CLEC16A: variants seen among roughly 807,000 people sequenced by gnomAD.
CLEC16A encodes protein CLEC16A.
A neutral mutation model predicts 109.5 loss-of-function variants in CLEC16A; 51 were observed. The ratio of observed to expected loss-of-function variants is 0.47; its 90% confidence interval spans 0.37 to 0.59. CLEC16A has a LOEUF of 0.59. Ranked by LOEUF, CLEC16A falls within the 20% of genes least tolerant of loss-of-function variation. CLEC16A has a pLI of 0.00. For missense variants in CLEC16A, 1,339 were observed against 1,394.0 expected (o/e 0.96, Z 0.63); for synonymous variants, 673 against 564.2 (o/e 1.19, Z -2.73).
At chr16:11,040,760 C>T (rs2047290668) in intron 14 of CLEC16A, 1 of 152,156 alleles carries the variant, frequency 6.6e-6, no homozygotes, top group South Asian at 2.1e-4. Context: ...GATCCACCCA[C>T]CTCGGCCTCC....
At chr16:10,990,326 C>T (rs1469932283) in intron 10 of CLEC16A, among the ~76,000 whole-genome samples, 1 of 152,188 alleles carries the variant, frequency 6.6e-6, no homozygotes, top group Non-Finnish European at 1.5e-5. Flanking sequence ...TTGATATAAT[C>T]AAAATCCAGA....
intron 22 of CLEC16A, among the ~76,000 whole-genome samples, chr16:11,140,406 T>G (rs931125561): frequency 4.6e-5 from 7 of 152,244 alleles, no homozygotes; most frequent in Non-Finnish European, 1.0e-4. Flanking sequence ...TTACAAAGTC[T>G]TGGGCATTTG....
intron 10 of CLEC16A, among the ~76,000 whole-genome samples, chr16:10,990,342 A>T (rs2043928940): frequency 6.6e-6 from 1 of 152,250 alleles, no homozygotes; most frequent in Non-Finnish European, 1.5e-5. Context: ...CCAGAGTGCA[A>T]CATGAGGTCC....
At position 11,178,984 on chromosome 16, in the gene CLEC16A, G is replaced by A. The variant is rs935493537; in HGVS notation, c.*294G>A. 1.1e-5 allele frequency: 4 copies of A among 366,858 alleles called. No homozygotes were observed. The highest frequency in any genetic ancestry group is 6.9e-4 in the Middle Eastern group (1 of 1,448). 22.7% of individuals were successfully genotyped at this position (366,858 alleles called of 1,614,324 possible). ...CCTGGGCTCCGTGTCTCTGAGCCCC[G>A]GGTGGCAGGACCCACCGGCACCTCT... On this transcript the variant is annotated 3_prime_UTR_variant, in exon 24 of 24. Coordinates refer to ENST00000409790, the MANE Select transcript of CLEC16A (RefSeq NM_015226.3). This position sits in a 1 kb window ranked among gnomAD's most constrained non-coding sequence, Gnocchi z 6.5.
chr16:11,024,847 C>T lies in CLEC16A; in HGVS notation c.1463C>T (p.Ala488Val), dbSNP rs201921390. 108 of 1,606,770 alleles carry T rather than the reference C, an allele frequency of 6.7e-5. No homozygotes were observed. The highest frequency in any genetic ancestry group is 8.9e-5 in the Non-Finnish European group (105 of 1,176,644). ...SRPFLDMVYH[A>V]LDSPDDDYHA... ...CCCTTCCTGGATATGGTGTACCACG[C>T]GCTGGACAGCCCGGATGATGATTAC... The change falls in exon 13 of 24, where the codon GCG becomes GTG. Residue 488 changes from alanine (A) to valine (V), a missense_variant. This residue lies in a region of CLEC16A where 1,061 missense variants were observed against 1,006.8 expected (regional missense o/e 1.05). Transcript: ENST00000409790.
intron 22 of CLEC16A, among the ~76,000 whole-genome samples, chr16:11,133,587 G>A (rs948211282): frequency 5.3e-5 from 8 of 152,058 alleles, no homozygotes; most frequent in African/African-American, 1.2e-4. Context: ...GCCTCTGACC[G>A]CCATCCAAAA....
rs1434875254 is a variant in CLEC16A at position 11,123,766 on chromosome 16, G to C, written c.2293G>C (p.Asp765His). 6.2e-7 allele frequency: 1 copy of C among 1,614,058 alleles called. No homozygotes were observed. Among genetic ancestry groups the C allele is most frequent in the Admixed American group, 1.7e-5 (1 of 60,032 alleles). Residue 765 changes from aspartate to histidine, a missense_variant, in exon 21 of 24, where the codon GAC (aspartate) becomes CAC (histidine). Asp to His is a moderately conservative substitution (Grantham distance 81). This residue lies in a region of CLEC16A where 1,061 missense variants were observed against 1,006.8 expected (regional missense o/e 1.05). Transcript: ENST00000409790. ...GGACATGCAGGTGACTGGCGTGGAG[G>C]ACGACAGCCGTGCCCTGAACATCAC... ...LQDMQVTGVE[D>H]DSRALNITIH...
rs59547466 is a variant in CLEC16A at position 10,986,012 on chromosome 16, A to ATTTTTTTTT, written c.1071+3049_1071+3057dup. ...TGAGACACTGCACCTGGCCTGCAGA[A>ATTTTTTTTT]TTTTTTTTTTTTTTTTTTTTTTTTT... is the stretch of plus-strand genomic sequence containing the variant. On this transcript the variant is annotated intron_variant, in intron 10 of 23. Transcript: ENST00000409790. Among the ~76,000 whole-genome samples the ATTTTTTTTT allele has an allele frequency of 2.5e-3, 108 of 43,454 alleles. 28 individuals are homozygous for ATTTTTTTTT. The highest frequency in any genetic ancestry group is 7.9e-3 in the African/African-American group (70 of 8,822). 28.5% of individuals were successfully genotyped at this position (43,454 alleles called of 152,430 possible). A position where few individuals can be genotyped will look rare whatever the true frequency, so the allele number is the denominator to read the frequency against.
At chr16:11,057,045 C>T (rs1174779705) in intron 18 of CLEC16A, 3 of 152,354 alleles carry the variant, frequency 2.0e-5, no homozygotes, top group African/African-American at 7.2e-5. Context: ...TTCATGAATA[C>T]AGTGTTTTTC....
chr16:11,093,714 G>C (rs1311019894), intron 19 of CLEC16A, among the ~76,000 whole-genome samples: 1 of 152,194 alleles, frequency 6.6e-6, no homozygotes, highest in African/African-American at 2.4e-5. Context: ...CTGAGCAAGA[G>C]GAGGTAGAAG....
At chr16:11,156,670 T>G (rs768882535) in intron 22 of CLEC16A, 18 of 1,304,160 alleles carry the variant, frequency 1.4e-5, no homozygotes, top group Middle Eastern at 2.1e-4. Flanking sequence ...CTTTGCTTGC[T>G]AATTTACAGA....
At chr16:10,982,857 C>G (rs117173539) in intron 9 of CLEC16A, 21 bp from the exon 10 acceptor site, 1 of 1,396,082 alleles carries the variant, frequency 7.2e-7, no homozygotes, top group Non-Finnish European at 1.0e-6. Flanking sequence ...ATGCAAATCC[C>G]GTTTCTTTTT....
At chr16:11,035,286 G>A (rs1023059662) in intron 13 of CLEC16A, among the ~76,000 whole-genome samples, 6 of 152,112 alleles carry the variant, frequency 3.9e-5, no homozygotes, top group Admixed American at 6.5e-5. Context: ...GTCATATGGT[G>A]GCTTCTATTT....
At chr16:11,114,953 A>G (rs1258165369) in intron 19 of CLEC16A, among the ~76,000 whole-genome samples, 1 of 152,084 alleles carries the variant, frequency 6.6e-6, no homozygotes, top group East Asian at 1.9e-4. Context: ...TTCTTATGAA[A>G]TCTCTCACTG....
chr16:11,160,358 G>A (rs966730800), intron 22 of CLEC16A, among the ~76,000 whole-genome samples: 1 of 152,064 alleles, frequency 6.6e-6, no homozygotes, highest in South Asian at 2.1e-4. Flanking sequence ...CTTAACAATT[G>A]TGTGTAATCT....
chr16:11,115,537 TG>T (rs2051921538), intron 19 of CLEC16A, among the ~76,000 whole-genome samples: 1 of 152,136 alleles, frequency 6.6e-6, no homozygotes, highest in Non-Finnish European at 1.5e-5. Flanking sequence ...TACAGCCAGT[TG>T]ATTTTTCTAC....
intron 4 of CLEC16A, among the ~76,000 whole-genome samples, chr16:10,970,532 C>A (rs1375845246): frequency 6.6e-6 from 1 of 152,136 alleles, no homozygotes; most frequent in Non-Finnish European, 1.5e-5. Context: ...GGGTAATGAA[C>A]CCAGGTCTGA....
rs573741947 is a variant in CLEC16A at position 10,999,991 on chromosome 16, CACACCTGGCTAAT to C, written c.1072-3082_1072-3070del. 8.5e-5 allele frequency among the ~76,000 whole-genome samples: 13 copies of C among 152,264 alleles called. No individual in the cohort carries two copies. In the South Asian group the frequency reaches 1.4e-3, roughly 17 times the overall value. On this transcript the variant is annotated intron_variant, in intron 10 of 23. Coordinates refer to ENST00000409790, the MANE Select transcript of CLEC16A (RefSeq NM_015226.3). ...AGTTGGGACTACAAGCGCCCGCCAC[CACACCTGGCTAAT>C]TTTTTGTATTTTTAGTAGAAGCGGA...
At position 11,131,868 on chromosome 16, in the gene CLEC16A, G is replaced by A. The variant is rs74342066; in HGVS notation, c.2641+5722G>A. The stretch of plus-strand genomic sequence containing the variant: ...GATGACACAATCCAGCCCTTCAGCC[G>A]CACTGGCTGGCTGGCTGTGCCTCAC... On this transcript the variant is annotated intron_variant, in intron 22 of 23. Transcript: ENST00000409790. 2.8e-4 allele frequency among the ~76,000 whole-genome samples: 42 copies of A among 152,158 alleles called. No homozygotes were observed. In the East Asian group the frequency reaches 7.6e-3, roughly 27 times the overall value.
Sources: allele counts gnomAD v4.1 joint callset (sites outside exome capture counted in the v4.1 genomes callset), GRCh38; gene constraint gnomAD v4.1.1; regional missense constraint gnomAD v4.1.1; non-coding constraint Gnocchi (gnomAD v3.1); transcripts MANE v1.5; gene names NCBI Gene and HGNC (gene_info 2026-07-23, HGNC 2026-07-21).